The following PDE4D variants were observed in gnomAD, a reference collection of about 807,000 sequenced individuals.
PDE4D encodes phosphodiesterase 4D, also known as 3',5'-cyclic-AMP phosphodiesterase 4D.
A neutral mutation model predicts 87.4 loss-of-function variants in PDE4D; 24 were observed. The observed-to-expected ratio is 0.27, with a 90% CI of 0.20 to 0.39. PDE4D has a LOEUF of 0.39. Ranked by LOEUF, PDE4D falls within the 10% of genes least tolerant of loss-of-function variation. The pLI is 1.00. For missense variants in PDE4D, 714 were observed against 1,041.0 expected (o/e 0.69, Z 4.32); for synonymous variants, 384 against 383.2 (o/e 1.00, Z -0.02).
chr5:59,855,099 G>A (rs1004486159), intron 1 of PDE4D, among the ~76,000 whole-genome samples: 1 of 152,076 alleles, frequency 6.6e-6, no homozygotes, highest in African/African-American at 2.4e-5. Flanking sequence ...AAGTCTAGAA[G>A]GGGCCTGAGA....
chr5:59,040,992 G>C (rs1391950849), intron 5 of PDE4D, among the ~76,000 whole-genome samples: 6 of 152,080 alleles, frequency 3.9e-5, no homozygotes, highest in Admixed American at 3.9e-4. Context: ...AAGAATACTT[G>C]AACTATTTAC....
At chr5:60,407,031 A>G (rs1487660922) in intron 1 of PDE4D, among the ~76,000 whole-genome samples, 1 of 152,152 alleles carries the variant, frequency 6.6e-6, no homozygotes, top group Non-Finnish European at 1.5e-5. Context: ...ATGAGGAATG[A>G]AAAAGGCCAG....
At chr5:59,028,627 G>A (rs1756672703) in intron 6 of PDE4D, among the ~76,000 whole-genome samples, 1 of 152,006 alleles carries the variant, frequency 6.6e-6, no homozygotes, top group African/African-American at 2.4e-5. Flanking sequence ...AATTCAGGCA[G>A]GCTGTCTATA....
Position 59,109,155 on chromosome 5 carries a change from G to C in PDE4D, c.809-70184C>G, listed in dbSNP as rs934342286. Reference sequence around the variant, plus strand: ...CAGTTTCATAATGCACATAGAAGTTGAGGCACTCAGATGAAAAACACTATC... The same window carrying C: ...CAGTTTCATAATGCACATAGAAGTTCAGGCACTCAGATGAAAAACACTATC... On this transcript the variant is annotated intron_variant, in intron 5 of 14. Coordinates refer to ENST00000340635, the MANE Select transcript of PDE4D (RefSeq NM_001104631.2). Among the ~76,000 whole-genome samples, 2 of 151,698 alleles carry C rather than the reference G, an allele frequency of 1.3e-5. 1 individual carries two copies. The highest frequency in any genetic ancestry group is 2.9e-5 in the Non-Finnish European group (2 of 67,940).
intron 1 of PDE4D, among the ~76,000 whole-genome samples, chr5:60,364,870 T>A (rs1283212723): frequency 1.3e-5 from 2 of 152,220 alleles, no homozygotes; most frequent in Non-Finnish European, 2.9e-5. Context: ...AATGTAAGTG[T>A]CCTTCCCATT....
At chr5:59,728,988 T>C (rs1425928668) in intron 1 of PDE4D, among the ~76,000 whole-genome samples, 1 of 152,122 alleles carries the variant, frequency 6.6e-6, no homozygotes, top group Non-Finnish European at 1.5e-5. Flanking sequence ...TTAGAGAATT[T>C]CCTCTGAAAA....
At chr5:59,608,883 G>A (rs368901442) in intron 1 of PDE4D, among the ~76,000 whole-genome samples, 18 of 152,170 alleles carry the variant, frequency 1.2e-4, no homozygotes, top group Middle Eastern at 3.4e-3. Flanking sequence ...TTTTGTCTCC[G>A]TCTCTGTCTG....
At position 59,180,604 on chromosome 5, in the gene PDE4D, T is replaced by C. The variant is rs1741300467; in HGVS notation, c.799A>G (p.Thr267Ala). 1.2e-6 allele frequency: 2 copies of C among 1,613,324 alleles called. No homozygotes were observed. Among genetic ancestry groups the C allele is most frequent in the African/African-American group, 1.3e-5 (1 of 75,060 alleles). The change falls in exon 5 of 15, where the codon ACC becomes GCC. Residue 267 changes from threonine to alanine, a missense_variant. Physicochemically the swap from Thr to Ala is moderately conservative, Grantham distance 58. Transcript: ENST00000340635. ...TCCAGATCTTTCTTACCTGTTATGG[T>C]GGCTTTGTTGATGGATGGTTGGTTG... ...MCNQPSINKA[T>A]ITEEAYQKLA...
chr5:59,287,383 G>C (rs1306489861), intron 1 of PDE4D, among the ~76,000 whole-genome samples: 1 of 151,998 alleles, frequency 6.6e-6, no homozygotes, highest in African/African-American at 2.4e-5. Flanking sequence ...TTGGGTGCCA[G>C]CTCACCCACC....
At position 60,503,342 on chromosome 5, in the gene PDE4D, T is replaced by C. The variant is rs370372765; in HGVS notation, n.70+18709A>G. Among the ~76,000 whole-genome samples the C allele has an allele frequency of 1.2e-4, 19 of 152,238 alleles. No individual in the cohort carries two copies. The South Asian group carries it at 3.7e-3, about 30-fold the overall frequency. On this transcript the variant is annotated intron_variant and non_coding_transcript_variant, in intron 1 of 2. Transcript: ENST00000506510. ...TCTACTCACTACAAGAACACCAACA[T>C]TGTCAATATTTATTTGATACTCTGC...
At chr5:60,218,835 CAG>C (rs987599856) in intron 1 of PDE4D, among the ~76,000 whole-genome samples, 2 of 152,074 alleles carry the variant, frequency 1.3e-5, no homozygotes, top group African/African-American at 4.8e-5. Flanking sequence ...CCTTGAAAAT[CAG>C]GGAAAATAAA....
intron 5 of PDE4D, among the ~76,000 whole-genome samples, chr5:59,114,870 T>C (rs1434279196): frequency 7.1e-6 from 1 of 141,766 alleles, no homozygotes; most frequent in East Asian, 2.1e-4. Flanking sequence ...TTCAAGGGGG[T>C]AGAGGAATAA....
Position 60,233,126 on chromosome 5 carries a change from C to T in PDE4D, c.-89-47439G>A, listed in dbSNP as rs149753414. On this transcript the variant is annotated intron_variant, in intron 1 of 16. Transcript: ENST00000502484. ...GTTAGCAGAAACATGCAAACTCAAGCATATCAGATATAACTATACAGACTT... is the reference window on the plus strand; with the variant it reads ...GTTAGCAGAAACATGCAAACTCAAGTATATCAGATATAACTATACAGACTT... Among the ~76,000 whole-genome samples the T allele has an allele frequency of 3.4e-4, 52 of 151,550 alleles. 1 individual carries two copies. Among genetic ancestry groups the T allele is most frequent in the South Asian group, 8.3e-4 (4 of 4,816 alleles).
intron 1 of PDE4D, among the ~76,000 whole-genome samples, chr5:60,445,037 G>A (rs1561265265): frequency 6.6e-6 from 1 of 152,062 alleles, no homozygotes; most frequent in East Asian, 1.9e-4. Flanking sequence ...AAAATAGCTG[G>A]AAGTATGTAT....
chr5:60,267,264 A>G (rs1750315089), intron 1 of PDE4D, among the ~76,000 whole-genome samples: 1 of 152,228 alleles, frequency 6.6e-6, no homozygotes, highest in Non-Finnish European at 1.5e-5. Context: ...ATCAGGGTCT[A>G]CAAGCGGCTG....
At chr5:59,266,495 CAG>C (rs1053778406) in intron 1 of PDE4D, among the ~76,000 whole-genome samples, 2 of 151,606 alleles carry the variant, frequency 1.3e-5, no homozygotes, top group Non-Finnish European at 2.9e-5. Context: ...GGTCAAATGC[CAG>C]AGAGAAGGAA....
intron 2 of PDE4D, among the ~76,000 whole-genome samples, chr5:59,994,378 A>G (rs1187534257): frequency 6.6e-6 from 1 of 151,894 alleles, no homozygotes; most frequent in African/African-American, 2.4e-5. Flanking sequence ...AAACATGTAT[A>G]TACATATATA....
intron 2 of PDE4D, among the ~76,000 whole-genome samples, chr5:60,056,101 A>G (rs1206467042): frequency 6.6e-6 from 1 of 152,078 alleles, no homozygotes; most frequent in African/African-American, 2.4e-5. Flanking sequence ...TGCCATATCA[A>G]AATCTCATAA....
chr5:60,206,773 A>G (rs913445497), intron 1 of PDE4D, among the ~76,000 whole-genome samples: 1 of 152,266 alleles, frequency 6.6e-6, no homozygotes, highest in Non-Finnish European at 1.5e-5. Context: ...AAAGCCAAGT[A>G]TTTGTAGGGC....
Sources: allele counts gnomAD v4.1 joint callset (sites outside exome capture counted in the v4.1 genomes callset), GRCh38; gene constraint gnomAD v4.1.1; transcripts MANE v1.5; gene names NCBI Gene and HGNC (gene_info 2026-07-23, HGNC 2026-07-21).